DHRSX: variants seen among roughly 807,000 people sequenced by gnomAD.
DHRSX encodes the protein dehydrogenase/reductase X-linked.
A neutral mutation model predicts 34.0 loss-of-function variants in DHRSX; 31 were observed. The observed-to-expected ratio is 0.91, with a 90% CI of 0.69 to 1.23. DHRSX has a LOEUF of 1.23. Among genes scored for constraint, DHRSX ranks in the 50% most tolerant of loss-of-function variants. The probability of loss-of-function intolerance (pLI) is 0.00; values close to 1 mark genes in which losing one functional copy is unlikely to be tolerated. For synonymous variants in DHRSX, 201 were observed against 183.8 expected (o/e 1.09, Z -0.76); for missense variants, 414 against 428.1 (o/e 0.97, Z 0.29).
intron 3 of DHRSX, among the ~76,000 whole-genome samples, chrX:2,299,660 G>T (rs1380300038): frequency 6.6e-6 from 1 of 152,016 alleles, no homozygotes; most frequent in Non-Finnish European, 1.5e-5. Context: ...TTCGAGACCA[G>T]CCTGGCCAAC....
At chrX:2,468,125 G>T (rs1186123996) in intron 1 of DHRSX, among the ~76,000 whole-genome samples, 1 of 152,064 alleles carries the variant, frequency 6.6e-6, no homozygotes, top group Non-Finnish European at 1.5e-5. Context: ...AATCACACTA[G>T]AAGTCTCTGA....
intron 4 of DHRSX, among the ~76,000 whole-genome samples, chrX:2,291,136 T>C (rs1252980192): frequency 2.0e-5 from 3 of 152,156 alleles, no homozygotes; most frequent in African/African-American, 7.2e-5. Flanking sequence ...AGATAAATGG[T>C]AATGAGCTTC....
intron 5 of DHRSX, among the ~76,000 whole-genome samples, chrX:2,243,786 C>CTGTT (rs2016202375): frequency 1.2e-4 from 3 of 25,142 alleles, no homozygotes; most frequent in South Asian, 2.0e-3. Context: ...ACTATGCTCC[C>CTGTT]TGTTTTTTTT....
rs750267608 is a variant in DHRSX, at chrX:2,490,827, G to C, written c.109+9990C>G. The C allele has an allele frequency of 5.0e-5, 73 of 1,469,640 alleles. No homozygotes were observed. The African/African-American group carries it at 9.6e-4, about 19-fold the overall frequency. The allele number at this position is 1,469,640 out of a possible 1,614,324, so 91.0% of individuals were successfully genotyped here. A position where few individuals can be genotyped will look rare whatever the true frequency, so the allele number is the denominator to read the frequency against. ...AGAAGGGACCCAGGCACGCACGGGA[G>C]CCCTGCCGGGGAGACAGACAGGGTG... On this transcript the variant is annotated intron_variant, in intron 1 of 6. Transcript: ENST00000334651.
chrX:2,359,499 G>A (rs970422107), intron 3 of DHRSX, among the ~76,000 whole-genome samples: 3 of 152,078 alleles, frequency 2.0e-5, no homozygotes, highest in African/African-American at 7.2e-5. Flanking sequence ...AACACATGGT[G>A]AAACCCCGTC....
At chrX:2,425,130 G>A (rs751393363) in intron 2 of DHRSX, 67 bp downstream of exon 2, 28 of 1,248,956 alleles carry the variant, frequency 2.2e-5, no homozygotes, top group Admixed American at 1.0e-4. Flanking sequence ...GACGGACTGC[G>A]ATCCTGTCTC....
intron 6 of DHRSX, among the ~76,000 whole-genome samples, chrX:2,226,961 G>A (rs1053301741): frequency 6.6e-6 from 1 of 152,000 alleles, no homozygotes; most frequent in African/African-American, 2.4e-5. Flanking sequence ...CAGAGCTGCT[G>A]CAGAATAAGA....
intron 4 of DHRSX, among the ~76,000 whole-genome samples, chrX:2,268,404 T>C (rs1172669335): frequency 6.6e-6 from 1 of 152,262 alleles, no homozygotes; most frequent in African/African-American, 2.4e-5. Flanking sequence ...TGTATCTATC[T>C]ACACGTAACG....
chrX:2,285,374 T>C (rs2041792661), intron 4 of DHRSX, among the ~76,000 whole-genome samples: 1 of 152,142 alleles, frequency 6.6e-6, no homozygotes, highest in African/African-American at 2.4e-5. Flanking sequence ...ATCCTTCCCA[T>C]GCACAGATCA....
At position 2,381,162 on chromosome X, in the gene DHRSX, G is replaced by A. The variant is rs754639031; in HGVS notation, c.286+27583C>T. On this transcript the variant is annotated intron_variant, in intron 3 of 6. Coordinates refer to ENST00000334651, the MANE Select transcript of DHRSX (RefSeq NM_145177.3). ...ATTACAGGCGTGAGCCACCACACCC[G>A]GCCCCAGATCCCTGTCTTGAGACAT... 5.9e-5 allele frequency among the ~76,000 whole-genome samples: 9 copies of A among 152,096 alleles called. No homozygotes were observed. In the South Asian group the frequency reaches 6.3e-4, roughly 11 times the overall value.
At chrX:2,308,599 T>C (rs1027822514) in intron 3 of DHRSX, among the ~76,000 whole-genome samples, 1 of 152,184 alleles carries the variant, frequency 6.6e-6, no homozygotes, top group African/African-American at 2.4e-5. Context: ...CAGGGCTAAC[T>C]TGAAAATCAT....
At chrX:2,301,054 C>T (rs73628285) in intron 3 of DHRSX, among the ~76,000 whole-genome samples, 9,667 of 152,224 alleles carry the variant, frequency 0.064, 440 homozygotes, top group African/African-American at 0.12. Flanking sequence ...AAGGTGTCAC[C>T]GTCTGCAGAA....
intron 1 of DHRSX, among the ~76,000 whole-genome samples, chrX:2,474,733 G>C (rs2044648520): frequency 6.6e-6 from 1 of 151,712 alleles, no homozygotes; most frequent in Non-Finnish European, 1.5e-5. Context: ...ACACACTGAA[G>C]ACGTTCCCTA....
At chrX:2,324,011 C>T (rs1423848841) in intron 3 of DHRSX, among the ~76,000 whole-genome samples, 4 of 149,436 alleles carry the variant, frequency 2.7e-5, no homozygotes, top group Non-Finnish European at 5.9e-5. Context: ...GAGCCATGAT[C>T]ACACCACTGC....
chrX:2,260,561 G>T (rs2041350154), intron 5 of DHRSX, among the ~76,000 whole-genome samples: 1 of 151,878 alleles, frequency 6.6e-6, no homozygotes, highest in African/African-American at 2.4e-5. Flanking sequence ...CCAGGTTCAA[G>T]GAATTCTCCT....
At chrX:2,231,817 CT>C (rs1234056193) in intron 6 of DHRSX, among the ~76,000 whole-genome samples, 6 of 148,118 alleles carry the variant, frequency 4.1e-5, no homozygotes, top group South Asian at 2.1e-4. Flanking sequence ...CTCTCCCTTC[CT>C]CTTCCTTTCT....
At chrX:2,484,669 A>C (rs2044835241) in intron 1 of DHRSX, among the ~76,000 whole-genome samples, 1 of 151,838 alleles carries the variant, frequency 6.6e-6, no homozygotes, top group African/African-American at 2.4e-5. Context: ...ATTTTATAAA[A>C]CTCTCAGGTG....
At chrX:2,445,013 T>A (rs1473871773) in intron 1 of DHRSX, among the ~76,000 whole-genome samples, 4 of 151,956 alleles carry the variant, frequency 2.6e-5, no homozygotes, top group Middle Eastern at 3.4e-3. Flanking sequence ...AAAAATTAGC[T>A]GGGCCTGGTG....
intron 3 of DHRSX, among the ~76,000 whole-genome samples, chrX:2,324,972 G>A (rs2042361348): frequency 6.7e-6 from 1 of 148,838 alleles, no homozygotes; most frequent in East Asian, 2.0e-4. Flanking sequence ...GTAGAGACGC[G>A]GTTTCACTGG....
Sources: allele counts gnomAD v4.1 joint callset (sites outside exome capture counted in the v4.1 genomes callset), GRCh38; gene constraint gnomAD v4.1.1; transcripts MANE v1.5; gene names NCBI Gene and HGNC (gene_info 2026-07-23, HGNC 2026-07-21).